The following TLL1 variants were observed in gnomAD, a reference collection of about 807,000 sequenced individuals.
The protein encoded by TLL1 is tolloid like 1, also known as tolloid-like protein 1.
Under a neutral mutation model 128.2 loss-of-function variants are expected in TLL1, and 49 were observed. The observed-to-expected ratio is 0.38, with a 90% CI of 0.30 to 0.48. TLL1 has a LOEUF of 0.48. Ranked by LOEUF, TLL1 falls within the 20% of genes least tolerant of loss-of-function variation. TLL1 has a pLI of 0.96. For missense variants in TLL1, 1,123 were observed against 1,242.0 expected (o/e 0.90, Z 1.44); for synonymous variants, 454 against 418.8 (o/e 1.08, Z -1.03).
chr4:165,948,808 A>T (rs1734376769), intron 1 of TLL1, among the ~76,000 whole-genome samples: 2 of 152,140 alleles, frequency 1.3e-5, no homozygotes. Context: ...AAAGCATAGC[A>T]GTGCTCTTGG....
intron 9 of TLL1, among the ~76,000 whole-genome samples, chr4:166,038,521 A>G (rs1209029538): frequency 6.6e-6 from 1 of 151,954 alleles, no homozygotes; most frequent in Non-Finnish European, 1.5e-5. Flanking sequence ...ATTCCTTTGC[A>G]TCAGATAAGC....
intron 7 of TLL1, among the ~76,000 whole-genome samples, chr4:166,008,340 T>A (rs1737533555): frequency 6.6e-6 from 1 of 151,570 alleles, no homozygotes; most frequent in Non-Finnish European, 1.5e-5. Flanking sequence ...CATTAAAAAG[T>A]TGAATTAAAA....
At chr4:165,994,862 G>C (rs1024908346) in intron 4 of TLL1, among the ~76,000 whole-genome samples, 199 bp from the exon 5 acceptor site, 3 of 152,180 alleles carry the variant, frequency 2.0e-5, no homozygotes, top group African/African-American at 7.2e-5. Flanking sequence ...TGTAGAGATA[G>C]TGAGCTTTAG....
At chr4:166,100,380 C>G (rs1383949161) in intron 20 of TLL1, among the ~76,000 whole-genome samples, 2 of 152,084 alleles carry the variant, frequency 1.3e-5, no homozygotes, top group African/African-American at 4.8e-5. Context: ...CATTTAGTAT[C>G]TCTTTACACT....
chr4:166,007,737 A>C (rs947775673), intron 6 of TLL1, among the ~76,000 whole-genome samples: 2 of 151,672 alleles, frequency 1.3e-5, no homozygotes, highest in African/African-American at 4.8e-5. Context: ...AGAAATTAAC[A>C]CTTTGTTCCA....
chr4:166,076,400 A>G (rs1476430228), intron 17 of TLL1, among the ~76,000 whole-genome samples: 4 of 152,288 alleles, frequency 2.6e-5, no homozygotes, highest in African/African-American at 9.6e-5. Context: ...TTTTGCAGAC[A>G]TTGAAGGTCA....
intron 7 of TLL1, among the ~76,000 whole-genome samples, chr4:166,014,140 A>G (rs1283170531): frequency 6.6e-6 from 1 of 151,904 alleles, no homozygotes; most frequent in African/African-American, 2.4e-5. Context: ...AAACCAAAAC[A>G]AATGTCATGG....
chr4:165,992,996 A>G, intron 3 of TLL1, 112 bp downstream of exon 3: 6 of 913,592 alleles, frequency 6.6e-6, no homozygotes, highest in South Asian at 1.4e-5. Flanking sequence ...AAGTATGTAA[A>G]TGATATATTC....
intron 1 of TLL1, among the ~76,000 whole-genome samples, chr4:165,959,755 A>C (rs537674813): frequency 4.6e-5 from 7 of 152,288 alleles, no homozygotes; most frequent in African/African-American, 1.7e-4. Context: ...GATGAAACAC[A>C]CAATTAAGGC....
intron 12 of TLL1, among the ~76,000 whole-genome samples, chr4:166,047,840 G>T (rs369969797): frequency 6.6e-5 from 10 of 152,182 alleles, no homozygotes; most frequent in African/African-American, 2.2e-4. Context: ...AAATTTATAT[G>T]GTGAAACACT....
At chr4:166,068,698 A>T (rs1237790418) in intron 16 of TLL1, among the ~76,000 whole-genome samples, 6 of 151,862 alleles carry the variant, frequency 4.0e-5, no homozygotes, top group Admixed American at 3.9e-4. Flanking sequence ...CAAAATCCAG[A>T]AGAAGAATTT....
At chr4:165,910,669 C>T (rs963353801) in intron 1 of TLL1, among the ~76,000 whole-genome samples, 5 of 152,170 alleles carry the variant, frequency 3.3e-5, no homozygotes, top group Non-Finnish European at 5.9e-5. Flanking sequence ...GCTCTGATAA[C>T]ACTATAAGGC....
intron 12 of TLL1, among the ~76,000 whole-genome samples, chr4:166,052,182 C>A (rs1739772616): frequency 6.6e-6 from 1 of 152,020 alleles, no homozygotes; most frequent in South Asian, 2.1e-4. Context: ...TTGTTTGTAC[C>A]ATAATTTTTA....
Position 165,873,989 on chromosome 4 carries a change from G to T in TLL1, c.85G>T (p.Ala29Ser). ...IVFYGELWVC[A>S]GLDYDYTFDG... Reference sequence around the variant, plus strand: ...TTTCTACGGGGAGCTATGGGTCTGCGCTGGCCTCGATTATGATTACACTTT... The same window carrying T: ...TTTCTACGGGGAGCTATGGGTCTGCTCTGGCCTCGATTATGATTACACTTT... The change falls in exon 1 of 21, where the codon GCT becomes TCT. Residue 29 changes from alanine to serine, a missense_variant. Transcript: ENST00000061240. 1.9e-6 allele frequency: 3 copies of T among 1,614,164 alleles called. No homozygotes were observed. The highest frequency in any genetic ancestry group is 2.2e-5 in the East Asian group (1 of 44,848).
rs1383272420 is a variant in TLL1, at chr4:166,031,849, A to T, written c.1158+6418A>T. ...TAAATAGGAGTAGAAGGAATTTTTT[A>T]AAAATACAATAAATAGAAAAAACCT... On this transcript the variant is annotated intron_variant, in intron 9 of 20. Transcript: ENST00000061240. 2.0e-5 allele frequency among the ~76,000 whole-genome samples: 3 copies of T among 152,164 alleles called. No individual in the cohort carries two copies. In the East Asian group the frequency reaches 5.8e-4, roughly 29 times the overall value.
rs58808031 is a variant in TLL1 at position 166,084,801 on chromosome 4, A to G, written c.2443-6327A>G. 7.6e-3 allele frequency among the ~76,000 whole-genome samples: 1,154 copies of G among 152,076 alleles called. 20 individuals carry two copies. Among genetic ancestry groups the G allele is most frequent in the African/African-American group, 0.025 (1,055 of 41,510 alleles). Reference sequence around the variant, plus strand: ...TACAATAGCTTTGTAGTGTATTTTGATATCAGGTATTAGGATGATTCTAAC... The same window carrying G: ...TACAATAGCTTTGTAGTGTATTTTGGTATCAGGTATTAGGATGATTCTAAC... On this transcript the variant is annotated intron_variant, in intron 18 of 20. Transcript: ENST00000061240.
chr4:165,991,725 A>G lies in TLL1; in HGVS notation c.281-1079A>G, dbSNP rs752234677. Among the ~76,000 whole-genome samples, 38 of 152,040 alleles carry G rather than the reference A, an allele frequency of 2.5e-4. 1 individual carries two copies. Among genetic ancestry groups the G allele is most frequent in the East Asian group, 1.5e-3 (8 of 5,170 alleles). ...ATCACAATTTTAAATAAAAAAATAG[A>G]TATTGGAAGGAAATAGTTCAAGTGA... On this transcript the variant is annotated intron_variant, in intron 2 of 20. Transcript: ENST00000061240.
intron 14 of TLL1, among the ~76,000 whole-genome samples, chr4:166,059,537 GA>G (rs1184543558): frequency 6.6e-6 from 1 of 151,704 alleles, no homozygotes; most frequent in Non-Finnish European, 1.5e-5. Flanking sequence ...ACTTGTCTTG[GA>G]AAAAAAGTTT....
chr4:166,018,125 G>C (rs1738037277), intron 8 of TLL1, among the ~76,000 whole-genome samples: 1 of 152,172 alleles, frequency 6.6e-6, no homozygotes, highest in East Asian at 1.9e-4. Flanking sequence ...TATTCCTTTG[G>C]AGTTTGTTTT....
Sources: gnomAD v4.1 joint callset for allele counts (sites outside exome capture counted in the v4.1 genomes callset) on GRCh38, gnomAD v4.1.1 for gene constraint, MANE v1.5 for transcripts, NCBI Gene and HGNC (gene_info 2026-07-23, HGNC 2026-07-21) for gene names.